The following GAREM2 variants were observed in gnomAD, a reference collection of about 807,000 sequenced individuals.
GAREM2 encodes the protein GRB2 associated regulator of MAPK1 subtype 2.
In GAREM2, 30 loss-of-function variants were observed where a neutral mutation model predicts 55.6. The observed-to-expected ratio is 0.54, with a 90% CI of 0.40 to 0.73. The LOEUF is 0.73. Among genes scored for constraint, GAREM2 ranks in the 30% least tolerant of loss-of-function variants. GAREM2 has a pLI of 0.00. For missense variants in GAREM2, 1,075 were observed against 1,257.7 expected (o/e 0.85, Z 2.20); for synonymous variants, 550 against 569.1 (o/e 0.97, Z 0.48).
chr2:26,179,786 A>T lies in GAREM2; in HGVS notation c.254-3181A>T, dbSNP rs1374168557. The stretch of plus-strand genomic sequence containing the variant: ...GGGCTTCAGGCTGCCGCGGAGGGGG[A>T]TGGTGCTGGATGCCATGGTTACATC... On this transcript the variant is annotated intron_variant, in intron 2 of 5. Transcript: ENST00000401533. This position sits in a 1 kb window ranked among gnomAD's most constrained non-coding sequence, Gnocchi z 4.7. Among the ~76,000 whole-genome samples the T allele has an allele frequency of 6.6e-6, 1 of 151,700 alleles. No individual in the cohort carries two copies. Among genetic ancestry groups the T allele is most frequent in the Non-Finnish European group, 1.5e-5 (1 of 67,940 alleles).
In GAREM2 at chr2:26,184,337, G is replaced by T. The variant is rs1313364081; in HGVS notation, c.489G>T (p.Lys163Asn). ...LMGQAEILCAKTTKERSRFTT... is the reference protein window; with the variant it reads ...LMGQAEILCANTTKERSRFTT... ...GCCAGGCGGAGATCCTGTGCGCCAA[G>T]ACCACCAAGGAGCGCTCGCGCTTCA... Residue 163 changes from lysine to asparagine, a missense_variant, in exon 4 of 6, where the codon AAG (lysine) becomes AAT (asparagine). Lys to Asn is a moderately conservative substitution (Grantham distance 94, BLOSUM62 0). Transcript: ENST00000401533. 7 of 1,550,170 alleles carry T rather than the reference G, an allele frequency of 4.5e-6. No homozygotes were observed. Among genetic ancestry groups the T allele is most frequent in the Non-Finnish European group, 5.2e-6 (6 of 1,146,570 alleles).
At chr2:26,200,527 G>A in the GAREM2 span, among the ~76,000 whole-genome samples, 1 of 152,092 alleles carries the variant, frequency 6.6e-6, no homozygotes, top group Admixed American at 6.5e-5. Flanking sequence ...GACCTGAAGA[G>A]GTTTGTTTTT....
rs1222859182 is a variant in GAREM2, at chr2:26,188,230, C to T, written c.2598C>T (p.Phe866=). Residue 866 remains phenylalanine, a synonymous_variant, in exon 6 of 6, where the codon TTC becomes TTT. Transcript: ENST00000401533. ...TKLQVKKIMQ[F]IKGWRPKI is the part of the protein sequence containing the mutation. ...TGCAGGTCAAGAAGATCATGCAGTTCATCAAAGGCTGGAGGCCCAAGATCT... is the reference window on the plus strand; with the variant it reads ...TGCAGGTCAAGAAGATCATGCAGTTTATCAAAGGCTGGAGGCCCAAGATCT... 2 of 1,494,914 alleles carry T rather than the reference C, an allele frequency of 1.3e-6. No individual in the cohort carries two copies. The highest frequency in any genetic ancestry group is 9.0e-7 in the Non-Finnish European group (1 of 1,112,578). 92.6% of individuals were successfully genotyped at this position (1,494,914 alleles called of 1,614,324 possible). A position where few individuals can be genotyped will look rare whatever the true frequency, so the allele number is the denominator to read the frequency against.
chr2:26,193,786 G>A (rs142401180), downstream of GAREM2: 217 of 1,608,728 alleles, frequency 1.3e-4, no homozygotes, highest in East Asian at 4.5e-3. Context: ...AACAGGAAGC[G>A]ATGCAGGGAC....
downstream of GAREM2, among the ~76,000 whole-genome samples, chr2:26,192,683 C>T (rs533954796): frequency 2.0e-5 from 3 of 151,862 alleles, no homozygotes; most frequent in Admixed American, 1.3e-4. Flanking sequence ...GAGGTGGAGA[C>T]GAGATTATGC....
chr2:26,185,017 T>TCGCCCGCGCCCCCGGCCC lies in GAREM2; in HGVS notation c.1170_1187dup (p.Ala391_Pro396dup). 9.0e-7 allele frequency: 1 copy of TCGCCCGCGCCCCCGGCCC among 1,106,422 alleles called. No individual in the cohort carries two copies. The highest frequency in any genetic ancestry group is 1.1e-6 in the Non-Finnish European group (1 of 908,990). 68.5% of individuals were successfully genotyped at this position (1,106,422 alleles called of 1,614,324 possible). On this transcript the variant is annotated inframe_insertion, in exon 4 of 6. Transcript: ENST00000401533. Reference sequence around the variant, plus strand: ...CTGCCCGCGCCGCGCGCCCCCGGGCTCGCCCGCGCCCCCGGCCCGCTAGCG... The same window carrying TCGCCCGCGCCCCCGGCCC: ...CTGCCCGCGCCGCGCGCCCCCGGGCTCGCCCGCGCCCCCGGCCCCGCCCGCGCCCCCGGCCCGCTAGCG...
chr2:26,193,714 C>G (rs764942632), downstream of GAREM2: 1 of 1,613,970 alleles, frequency 6.2e-7, no homozygotes, highest in Non-Finnish European at 8.5e-7. Context: ...TGTGGCGGCA[C>G]CCACAGGAAA....
chr2:26,184,820 C>T lies in GAREM2; in HGVS notation c.972C>T (p.Phe324=), dbSNP rs776557870. The T allele has an allele frequency of 2.7e-6, 4 of 1,488,550 alleles. No homozygotes were observed. Among genetic ancestry groups the T allele is most frequent in the South Asian group, 1.3e-5 (1 of 79,010 alleles). 92.2% of individuals were successfully genotyped at this position (1,488,550 alleles called of 1,614,324 possible). A position where few individuals can be genotyped will look rare whatever the true frequency, so the allele number is the denominator to read the frequency against. ...TGCTGCTCACGGACACGCCGCGCTT[C>T]GCGCTGCCGCAGGGCCTGCTGGCCG... ...HFLLLTDTPR[F]ALPQGLLAGD... Residue 324 remains phenylalanine, a synonymous_variant, in exon 4 of 6, where the codon TTC becomes TTT. Transcript: ENST00000401533.
At position 26,176,354 on chromosome 2, in the gene GAREM2, C is replaced by A. The variant is rs764867918; in HGVS notation, c.123C>A (p.Ala41=). 6.5e-7 allele frequency: 1 copy of A among 1,544,604 alleles called. No individual in the cohort carries two copies. Among genetic ancestry groups the A allele is most frequent in the East Asian group, 2.5e-5 (1 of 40,596 alleles). The change falls in exon 2 of 6, where the codon GCC becomes GCA. Residue 41 remains alanine (A), a synonymous_variant. Coordinates refer to ENST00000401533, the MANE Select transcript of GAREM2 (RefSeq NM_001168241.2). The part of the protein sequence containing the change: ...TLACLGPGEY[A]EGVSERDILL... The stretch of plus-strand genomic sequence containing the variant: ...CCTCCCCCTTCCCAGGGGAGTACGC[C>A]GAGGGCGTCAGTGAGCGAGACATCC...
the GAREM2 span, among the ~76,000 whole-genome samples, chr2:26,203,077 T>C: frequency 6.6e-6 from 1 of 152,270 alleles, no homozygotes; most frequent in African/African-American, 2.4e-5. Context: ...GATGCTTGCA[T>C]GCTAGTTTCA....
At chr2:26,178,883 G>GC (rs1553309890) in intron 2 of GAREM2, among the ~76,000 whole-genome samples, 6 of 16,102 alleles carry the variant, frequency 3.7e-4, no homozygotes, top group Non-Finnish European at 3.2e-4. Flanking sequence ...CACGGGGGAG[G>GC]GGAGGAGGAG....
At chr2:26,196,295 A>G in the GAREM2 span, among the ~76,000 whole-genome samples, 1 of 152,344 alleles carries the variant, frequency 6.6e-6, no homozygotes, top group East Asian at 1.9e-4. Context: ...TATCAATCCA[A>G]AAGTTGTTTC....
At chr2:26,191,713 T>TG, downstream of GAREM2, 1 of 1,379,916 alleles carries the variant, frequency 7.2e-7, no homozygotes, top group Non-Finnish European at 1.0e-6. Flanking sequence ...GAAGTCGGGA[T>TG]GGGTGCATGG....
At chr2:26,173,887 C>G (rs962347467) in intron 1 of GAREM2, among the ~76,000 whole-genome samples, 1 of 152,142 alleles carries the variant, frequency 6.6e-6, no homozygotes, top group African/African-American at 2.4e-5. Context: ...GTCTGCTGCC[C>G]GGCGTGACCC....
chr2:26,174,904 A>C (rs930623540), intron 1 of GAREM2, among the ~76,000 whole-genome samples: 5 of 152,146 alleles, frequency 3.3e-5, no homozygotes, highest in African/African-American at 1.2e-4. Flanking sequence ...TGTGGCTGTG[A>C]AGATGGGGCT....
the GAREM2 span, among the ~76,000 whole-genome samples, chr2:26,198,384 T>G: frequency 1.3e-5 from 2 of 151,956 alleles, no homozygotes; most frequent in Non-Finnish European, 2.9e-5. Flanking sequence ...TTTTTTGTTT[T>G]TTTTTTTTAA....
chr2:26,188,055 C>A lies in GAREM2; in HGVS notation c.2423C>A (p.Ala808Glu). ...TGGCAGCCCCCTGCTGACCTGTCTGCACTCTCCCTGGAGGAGGTCTCTCGC... is the reference window on the plus strand; with the variant it reads ...TGGCAGCCCCCTGCTGACCTGTCTGAACTCTCCCTGGAGGAGGTCTCTCGC... ...SSWQPPADLS[A>E]LSLEEVSRSL... Residue 808 changes from alanine (A) to glutamate (E), a missense_variant, in exon 6 of 6, where the codon GCA (alanine) becomes GAA (glutamate). This residue lies in a region of GAREM2 where 142 missense variants were observed against 172.3 expected (regional missense o/e 0.82). Transcript: ENST00000401533. 1.3e-6 allele frequency: 2 copies of A among 1,536,786 alleles called. No homozygotes were observed. The highest frequency in any genetic ancestry group is 1.2e-5 in the South Asian group (1 of 81,862).
the GAREM2 span, among the ~76,000 whole-genome samples, chr2:26,203,733 C>A: frequency 1.3e-5 from 2 of 152,088 alleles, no homozygotes; most frequent in African/African-American, 4.8e-5. Context: ...TATCAAAATC[C>A]GCAGGCCTGA....
rs971587448 is a variant in GAREM2 at position 26,179,033 on chromosome 2, C to G, written c.253+2549C>G. ...TCGGGCGGGCGGGGGTGGCCGGCTGCGGACCGCGGAGAGAGCCGAGGGGAA... is the reference window on the plus strand; with the variant it reads ...TCGGGCGGGCGGGGGTGGCCGGCTGGGGACCGCGGAGAGAGCCGAGGGGAA... On this transcript the variant is annotated intron_variant, in intron 2 of 5. Coordinates refer to ENST00000401533, the MANE Select transcript of GAREM2 (RefSeq NM_001168241.2). The surrounding 1 kb of genome is among the most constrained non-coding windows in gnomAD (Gnocchi z 4.7). 6.6e-6 allele frequency among the ~76,000 whole-genome samples: 1 copy of G among 152,102 alleles called. No homozygotes were observed. Among genetic ancestry groups the G allele is most frequent in the Non-Finnish European group, 1.5e-5 (1 of 68,004 alleles).
Sources: gnomAD v4.1 joint callset for allele counts (sites outside exome capture counted in the v4.1 genomes callset) on GRCh38, gnomAD v4.1.1 for gene constraint, gnomAD v4.1.1 regional missense constraint, Gnocchi (gnomAD v3.1) non-coding constraint, MANE v1.5 for transcripts, NCBI Gene and HGNC (gene_info 2026-07-23, HGNC 2026-07-21) for gene names.